Variants in EXT1 observed in about 807,000 individuals in gnomAD.
The protein encoded by EXT1 is exostosin-1.
In EXT1, 20 loss-of-function variants were observed where a neutral mutation model predicts 82.5. The observed-to-expected ratio is 0.24, with a 90% CI of 0.17 to 0.35. The LOEUF is 0.35. EXT1 is among the 10% of genes least tolerant of loss of function. The pLI is 1.00. For missense variants in EXT1, 757 were observed against 936.5 expected, an observed-to-expected ratio of 0.81 and a Z score of 2.50; for synonymous variants, 348 against 350.8, an observed-to-expected ratio of 0.99 and a Z score of 0.09.
intron 1 of EXT1, among the ~76,000 whole-genome samples, chr8:118,039,557 CAAAAAAAAAAAA>C (rs71307422): frequency 6.1e-5 from 5 of 82,100 alleles, no homozygotes; most frequent in Admixed American, 1.6e-4. Context: ...GACTCCGTCA[CAAAAAAAAAAAA>C]AAAAAAAAAA....
intron 10 of EXT1, 48 bp downstream of exon 10, chr8:117,804,674 T>G (rs757572616): frequency 3.7e-6 from 6 of 1,609,668 alleles, no homozygotes; most frequent in Non-Finnish European, 4.3e-6. Flanking sequence ...TACCTGGGGC[T>G]GAACCACCAG....
chr8:117,896,453 T>C (rs1813337814), intron 1 of EXT1, among the ~76,000 whole-genome samples: 1 of 152,178 alleles, frequency 6.6e-6, no homozygotes, highest in South Asian at 2.1e-4. Context: ...GGAGTGTATA[T>C]GGAGCAAAAG....
At chr8:117,860,680 C>T (rs571016394) in intron 1 of EXT1, among the ~76,000 whole-genome samples, 3 of 152,278 alleles carry the variant, frequency 2.0e-5, no homozygotes, top group African/African-American at 7.2e-5. Context: ...AAATTAATTG[C>T]CAACATTTTC....
intron 1 of EXT1, among the ~76,000 whole-genome samples, chr8:118,068,927 G>C (rs1817038255): frequency 6.6e-6 from 1 of 152,274 alleles, no homozygotes; most frequent in South Asian, 2.1e-4. Flanking sequence ...GCTGCAAGAA[G>C]CTTTAGAGCT....
chr8:117,844,815 G>T (rs924810025), intron 1 of EXT1, among the ~76,000 whole-genome samples: 1 of 152,158 alleles, frequency 6.6e-6, no homozygotes, highest in Non-Finnish European at 1.5e-5. Flanking sequence ...CAGCTTCAGG[G>T]ATGCTTGGCG....
At chr8:117,839,979 A>T (rs979044878) in intron 1 of EXT1, among the ~76,000 whole-genome samples, 1 of 152,216 alleles carries the variant, frequency 6.6e-6, no homozygotes, top group Non-Finnish European at 1.5e-5. Flanking sequence ...TTTGCATTAT[A>T]AGAGGAGATT....
At chr8:117,927,318 G>T (rs1813971319) in intron 1 of EXT1, among the ~76,000 whole-genome samples, 1 of 147,292 alleles carries the variant, frequency 6.8e-6, no homozygotes, top group Admixed American at 6.8e-5. Context: ...CATAGGCCTA[G>T]TTTTATTTCA....
intron 1 of EXT1, among the ~76,000 whole-genome samples, chr8:118,002,522 A>ATTTTTTT (rs1815690914): frequency 8.0e-6 from 1 of 124,594 alleles, no homozygotes; most frequent in African/African-American, 3.1e-5. Flanking sequence ...CAGTGTGAAT[A>ATTTTTTT]TTTTTCTTTT....
chr8:118,004,558 C>T (rs1024478606), intron 1 of EXT1, among the ~76,000 whole-genome samples: 7 of 152,194 alleles, frequency 4.6e-5, no homozygotes, highest in Admixed American at 1.3e-4. Context: ...GAGCACAGCG[C>T]AGATGTCCCA....
chr8:117,943,995 C>G (rs1354519456), intron 1 of EXT1, among the ~76,000 whole-genome samples: 2 of 152,196 alleles, frequency 1.3e-5, no homozygotes, highest in Admixed American at 1.3e-4. Context: ...CTAGTTTCAA[C>G]TACCTTTCTC....
rs183906935 is a variant in EXT1 at position 118,102,979 on chromosome 8, C to A, written c.962+7106G>T. On this transcript the variant is annotated intron_variant, in intron 1 of 10. Coordinates refer to ENST00000378204, the MANE Select transcript of EXT1 (RefSeq NM_000127.3). The stretch of plus-strand genomic sequence containing the variant: ...AGACCAGCCTGACCACATGGAGAAA[C>A]CCCGTCTCTACTAAAAATACAAAAT... 1.1e-3 allele frequency among the ~76,000 whole-genome samples: 173 copies of A among 152,128 alleles called. 2 individuals are homozygous for A. The highest frequency in any genetic ancestry group is 3.1e-3 in the African/African-American group (128 of 41,550).
At chr8:117,928,971 G>A (rs1814001129) in intron 1 of EXT1, among the ~76,000 whole-genome samples, 1 of 152,084 alleles carries the variant, frequency 6.6e-6, no homozygotes, top group African/African-American at 2.4e-5. Flanking sequence ...AGAAATAATT[G>A]AGCCCAGGTT....
At chr8:117,995,555 A>G (rs975618602) in intron 1 of EXT1, among the ~76,000 whole-genome samples, 1 of 152,058 alleles carries the variant, frequency 6.6e-6, no homozygotes, top group Non-Finnish European at 1.5e-5. Flanking sequence ...CTGAACAAGC[A>G]ATGTAGAGTT....
intron 1 of EXT1, among the ~76,000 whole-genome samples, chr8:117,908,862 G>A (rs891484228): frequency 1.3e-5 from 2 of 151,968 alleles, no homozygotes; most frequent in South Asian, 2.1e-4. Context: ...GGTGGTTCAC[G>A]CCTATAATCC....
intron 1 of EXT1, among the ~76,000 whole-genome samples, chr8:117,945,197 AC>A (rs1391940829): frequency 6.6e-6 from 1 of 152,202 alleles, no homozygotes; most frequent in Non-Finnish European, 1.5e-5. Context: ...CATCTCACTT[AC>A]AGTCCCCATT....
At chr8:117,942,865 C>A (rs1244428577) in intron 1 of EXT1, among the ~76,000 whole-genome samples, 1 of 151,906 alleles carries the variant, frequency 6.6e-6, no homozygotes, top group Non-Finnish European at 1.5e-5. Flanking sequence ...ATTGGATGGC[C>A]CAGGGTCTAC....
At position 117,862,040 on chromosome 8, in the gene EXT1, C is replaced by T. The variant is rs1359821381; in HGVS notation, c.963-24839G>A. Among the ~76,000 whole-genome samples the T allele has an allele frequency of 3.4e-5, 5 of 145,824 alleles. 1 individual carries two copies. Among genetic ancestry groups the T allele is most frequent in the South Asian group, 2.2e-4 (1 of 4,538 alleles). On this transcript the variant is annotated intron_variant, in intron 1 of 10. Coordinates refer to ENST00000378204, the MANE Select transcript of EXT1 (RefSeq NM_000127.3). The stretch of plus-strand genomic sequence containing the variant: ...CAAAACCCACACAAAAGAATTTGTA[C>T]GACACTGATGAAAATTTAGACACTA...
At chr8:117,984,095 A>T (rs1815261769) in intron 1 of EXT1, among the ~76,000 whole-genome samples, 1 of 152,220 alleles carries the variant, frequency 6.6e-6, no homozygotes, top group South Asian at 2.1e-4. Context: ...GGGAAAGACA[A>T]ATGACAACCC....
At chr8:117,957,795 C>T (rs1814619368) in intron 1 of EXT1, among the ~76,000 whole-genome samples, 1 of 152,176 alleles carries the variant, frequency 6.6e-6, no homozygotes, top group African/African-American at 2.4e-5. Flanking sequence ...TCTTTTCCTT[C>T]TCTGTGTCCA....
Sources: allele counts gnomAD v4.1 joint callset (sites outside exome capture counted in the v4.1 genomes callset), GRCh38; gene constraint gnomAD v4.1.1; transcripts MANE v1.5; gene names NCBI Gene and HGNC (gene_info 2026-07-23, HGNC 2026-07-21).